The following EHD1 variants were observed in gnomAD, a reference collection of about 807,000 sequenced individuals.
The protein encoded by EHD1 is EH domain containing 1.
A neutral mutation model predicts 39.0 loss-of-function variants in EHD1; 19 were observed. The ratio of observed to expected loss-of-function variants is 0.49; its 90% CI spans 0.34 to 0.72. The LOEUF (loss-of-function observed/expected upper bound fraction) is 0.72. Among genes scored for constraint, EHD1 ranks in the 30% least tolerant of loss-of-function variants. The probability of loss-of-function intolerance (pLI) is 0.01; values close to 1 mark genes in which losing one functional copy is unlikely to be tolerated. For synonymous variants in EHD1, 323 were observed against 331.2 expected (o/e 0.98, Z 0.27); for missense variants, 542 against 751.5 (o/e 0.72, Z 3.26).
upstream of EHD1, chr11:64,879,542 T>G: frequency 6.5e-7 from 1 of 1,543,450 alleles, no homozygotes; most frequent in Non-Finnish European, 8.7e-7. Flanking sequence ...ACCCAAATAC[T>G]TCCACTTTCC....
chr11:64,873,098 G>A (rs1163574673), intron 2 of EHD1, among the ~76,000 whole-genome samples: 6 of 152,140 alleles, frequency 3.9e-5, no homozygotes, highest in South Asian at 2.1e-4. Flanking sequence ...CGCCCCACCC[G>A]TCTGTGAAAA....
In EHD1 at chr11:64,868,013, A is replaced by C. The variant is rs1173216633; in HGVS notation, c.502+6408T>G. ...GGTCTGCCTTCCTGAGAACAGCTGG[A>C]CCATGTTTCCCGCCAGCACAGAAGG... On this transcript the variant is annotated intron_variant, in intron 2 of 4. Transcript: ENST00000320631. The surrounding 1 kb of genome is among the most constrained non-coding windows in gnomAD (Gnocchi z 4.2). 6.6e-6 allele frequency among the ~76,000 whole-genome samples: 1 copy of C among 152,186 alleles called. No homozygotes were observed. The highest frequency in any genetic ancestry group is 1.5e-5 in the Non-Finnish European group (1 of 68,032).
At chr11:64,861,566 C>A (rs1178303805) in intron 2 of EHD1, among the ~76,000 whole-genome samples, 2 of 152,134 alleles carry the variant, frequency 1.3e-5, no homozygotes, top group Non-Finnish European at 2.9e-5. Context: ...TTTTCTGCAA[C>A]AAGGGTTGGC....
intron 2 of EHD1, among the ~76,000 whole-genome samples, chr11:64,863,314 G>A (rs1943734298): frequency 6.6e-6 from 1 of 152,210 alleles, no homozygotes; most frequent in African/African-American, 2.4e-5. Context: ...GCGCTCTCTA[G>A]ACTGAGGGGG....
rs144419841 is a variant in EHD1, at chr11:64,854,968, T to C, written c.1081-111A>G. 286 of 1,382,906 alleles carry C rather than the reference T, an allele frequency of 2.1e-4. No homozygotes were observed. In the African/African-American group the frequency reaches 3.7e-3, roughly 18 times the overall value. The allele number at this position is 1,382,906 out of a possible 1,614,324, so 85.7% of individuals were successfully genotyped here. A position where few individuals can be genotyped will look rare whatever the true frequency, so the allele number is the denominator to read the frequency against. ...AGCATAAAGTGCTGCTCCCCCACACTAGCAGGGGCGACTCGGCAAAACCAT... is the reference window on the plus strand; with the variant it reads ...AGCATAAAGTGCTGCTCCCCCACACCAGCAGGGGCGACTCGGCAAAACCAT... On this transcript the variant is annotated intron_variant, in intron 4 of 4. Transcript: ENST00000320631.
intron 1 of EHD1, among the ~76,000 whole-genome samples, chr11:64,877,548 C>T (rs1452311099): frequency 6.6e-6 from 1 of 152,212 alleles, no homozygotes. Flanking sequence ...CACAGCCGAT[C>T]CTCCTCCTCC....
chr11:64,857,424 C>CA (rs1219940197), intron 3 of EHD1, among the ~76,000 whole-genome samples: 3 of 151,782 alleles, frequency 2.0e-5, no homozygotes, highest in South Asian at 4.2e-4. Context: ...ACTCCATCTC[C>CA]AAAAAAATCA....
At chr11:64,871,273 G>A (rs972826416) in intron 2 of EHD1, among the ~76,000 whole-genome samples, 3 of 152,158 alleles carry the variant, frequency 2.0e-5, no homozygotes, top group African/African-American at 7.2e-5. Context: ...GGAAACACCT[G>A]CTTTCCACGC....
At chr11:64,875,536 G>C (rs1378890414) in intron 1 of EHD1, 1 of 152,416 alleles carries the variant, frequency 6.6e-6, no homozygotes, top group Non-Finnish European at 1.5e-5. Flanking sequence ...CTGTGCAACA[G>C]AGCGAGACTC....
chr11:64,878,621 T>A lies in EHD1; in HGVS notation c.-157A>T. The A allele has an allele frequency of 2.8e-6, 4 of 1,410,764 alleles. No homozygotes were observed. The highest frequency in any genetic ancestry group is 1.5e-5 in the African/African-American group (1 of 67,236). 87.4% of individuals were successfully genotyped at this position (1,410,764 alleles called of 1,614,324 possible). A position where few individuals can be genotyped will look rare whatever the true frequency, so the allele number is the denominator to read the frequency against. ...GCCCGTCGAAGCGCCCTCTGCCGAA[T>A]GCTGCGCACCCCTCGCGGAGCGGCC... On this transcript the variant is annotated 5_prime_UTR_variant, in exon 1 of 5. Coordinates refer to ENST00000320631, the MANE Select transcript of EHD1 (RefSeq NM_006795.4).
chr11:64,878,632 C>G, upstream of EHD1: 2 of 1,408,178 alleles, frequency 1.4e-6, no homozygotes, highest in South Asian at 3.1e-5. Flanking sequence ...GCTGCGCACC[C>G]CTCGCGGAGC....
chr11:64,855,825 G>C (rs561095749), intron 3 of EHD1: 2 of 330,616 alleles, frequency 6.0e-6, no homozygotes, highest in East Asian at 7.5e-5. Flanking sequence ...GCAATTTGTC[G>C]TGTACCACTG....
intron 1 of EHD1, among the ~76,000 whole-genome samples, chr11:64,876,800 C>T (rs779180504): frequency 5.3e-5 from 8 of 152,354 alleles, no homozygotes; most frequent in East Asian, 3.9e-4. Flanking sequence ...AAGAGGACTC[C>T]GCCTCTTCAG....
chr11:64,873,967 G>A (rs192808460), intron 2 of EHD1, among the ~76,000 whole-genome samples: 5 of 150,364 alleles, frequency 3.3e-5, no homozygotes, highest in African/African-American at 7.3e-5. Context: ...GTGAGCCACC[G>A]TGCCCGGCCA....
At chr11:64,879,314 G>T (rs1406306064), upstream of EHD1, among the ~76,000 whole-genome samples, 2 of 152,142 alleles carry the variant, frequency 1.3e-5, no homozygotes, top group Non-Finnish European at 2.9e-5. Flanking sequence ...GGACGCAAGC[G>T]AGGGAGGACA....
At chr11:64,876,540 G>C (rs912882868) in intron 1 of EHD1, among the ~76,000 whole-genome samples, 4 of 152,186 alleles carry the variant, frequency 2.6e-5, no homozygotes, top group Admixed American at 6.5e-5. Context: ...GCTCTTTTTC[G>C]GGTAGAAGCA....
At chr11:64,877,085 T>C (rs1485740730) in intron 1 of EHD1, among the ~76,000 whole-genome samples, 3 of 152,206 alleles carry the variant, frequency 2.0e-5, no homozygotes, top group Non-Finnish European at 4.4e-5. Context: ...TGCAGAATTA[T>C]GAAAGGCATG....
Position 64,854,291 on chromosome 11 carries a change from C to T in EHD1, c.*42G>A. 1.3e-6 allele frequency: 2 copies of T among 1,552,046 alleles called. No homozygotes were observed. Among genetic ancestry groups the T allele is most frequent in the South Asian group, 1.2e-5 (1 of 84,344 alleles). On this transcript the variant is annotated 3_prime_UTR_variant, in exon 5 of 5. Transcript: ENST00000320631. ...GCTTCCCCTCCCCCCGTCTCTGCCT[C>T]CCGGCCGGGCGTGCAAATGGCAGGT...
chr11:64,857,008 C>A (rs1023752930), intron 3 of EHD1, among the ~76,000 whole-genome samples: 15 of 152,242 alleles, frequency 9.9e-5, no homozygotes, highest in Admixed American at 2.0e-4. Flanking sequence ...CACACCCACA[C>A]CCCTCAGCTC....
Sources: allele counts gnomAD v4.1 joint callset (sites outside exome capture counted in the v4.1 genomes callset), GRCh38; gene constraint gnomAD v4.1.1; non-coding constraint Gnocchi (gnomAD v3.1); transcripts MANE v1.5; gene names NCBI Gene and HGNC (gene_info 2026-07-23, HGNC 2026-07-21).